The following KAZN variants were observed in gnomAD, a reference collection of about 807,000 sequenced individuals.
The protein encoded by KAZN is kazrin.
In KAZN, 40 loss-of-function variants were observed where a neutral mutation model predicts 87.4. That is an observed-to-expected ratio of 0.46 (90% CI 0.36 to 0.60). KAZN has a LOEUF of 0.60. Among genes scored for constraint, KAZN ranks in the 20% least tolerant of loss-of-function variants. KAZN has a pLI of 0.00. For missense variants in KAZN, 898 were observed against 1,073.9 expected, an observed-to-expected ratio of 0.84 and a Z score of 2.29; for synonymous variants, 466 against 458.3, an observed-to-expected ratio of 1.02 and a Z score of -0.22.
At chr1:14,197,021 G>A (rs962397333) in intron 2 of KAZN, among the ~76,000 whole-genome samples, 1 of 152,056 alleles carries the variant, frequency 6.6e-6, no homozygotes, top group African/African-American at 2.4e-5. Context: ...ATCACTGGAG[G>A]CAGCAATGTG....
chr1:14,070,243 G>A (rs577187318), intron 1 of KAZN, among the ~76,000 whole-genome samples: 214 of 151,258 alleles, frequency 1.4e-3, no homozygotes, highest in African/African-American at 5.1e-3. Context: ...AAAATTAAAG[G>A]GAGGTGAAGG....
At chr1:14,487,805 G>A (rs1476592497) in intron 2 of KAZN, among the ~76,000 whole-genome samples, 1 of 152,196 alleles carries the variant, frequency 6.6e-6, no homozygotes, top group Non-Finnish European at 1.5e-5. Flanking sequence ...TTTGAGGATG[G>A]ATCAGATGCC....
intron 2 of KAZN, among the ~76,000 whole-genome samples, chr1:14,992,990 A>G (rs1370053867): frequency 8.2e-6 from 1 of 122,208 alleles, no homozygotes. Context: ...TTTTTTTACC[A>G]CAATTTTTTT....
chr1:13,945,319 AC>A (rs1249644143), intron 1 of KAZN, among the ~76,000 whole-genome samples: 9 of 152,172 alleles, frequency 5.9e-5, no homozygotes, highest in Admixed American at 4.6e-4. Flanking sequence ...TACTAAAAAT[AC>A]AACATTAGCA....
chr1:14,718,195 A>G (rs1642908341), intron 1 of KAZN, among the ~76,000 whole-genome samples: 1 of 152,166 alleles, frequency 6.6e-6, no homozygotes, highest in African/African-American at 2.4e-5. Flanking sequence ...ACCACTTCAA[A>G]TGGTTGATTC....
At chr1:14,799,025 C>T (rs966828736) in intron 1 of KAZN, among the ~76,000 whole-genome samples, 4 of 152,220 alleles carry the variant, frequency 2.6e-5, no homozygotes, top group African/African-American at 9.7e-5. Flanking sequence ...GATCTGCCTG[C>T]CTCAGCCTCC....
chr1:14,039,185 A>G (rs1305023094), intron 1 of KAZN, among the ~76,000 whole-genome samples: 1 of 152,058 alleles, frequency 6.6e-6, no homozygotes, highest in Non-Finnish European at 1.5e-5. Flanking sequence ...AAAAAAAAAA[A>G]AAAGTAGGAA....
chr1:14,073,135 A>G (rs1323910424), intron 1 of KAZN, among the ~76,000 whole-genome samples: 1 of 152,230 alleles, frequency 6.6e-6, no homozygotes, highest in Non-Finnish European at 1.5e-5. Context: ...GAATGCAACA[A>G]GAACCACATT....
intron 2 of KAZN, among the ~76,000 whole-genome samples, chr1:14,514,607 A>ATTT (rs1671195631): frequency 2.6e-5 from 1 of 38,564 alleles, no homozygotes; most frequent in Non-Finnish European, 4.2e-5. Flanking sequence ...ATATATATAT[A>ATTT]TATATATATA....
At chr1:14,093,308 G>A (rs1644050773) in intron 1 of KAZN, among the ~76,000 whole-genome samples, 2 of 152,044 alleles carry the variant, frequency 1.3e-5, no homozygotes, top group South Asian at 4.2e-4. Flanking sequence ...TTTCCTTTAG[G>A]AGTCCTGGAC....
intron 2 of KAZN, among the ~76,000 whole-genome samples, chr1:14,572,643 T>C (rs1346954978): frequency 6.6e-6 from 1 of 152,186 alleles, no homozygotes; most frequent in African/African-American, 2.4e-5. Flanking sequence ...CTCTGTCGCA[T>C]TGAGCCTATT....
intron 1 of KAZN, among the ~76,000 whole-genome samples, chr1:14,725,957 G>A (rs772589642): frequency 1.2e-4 from 19 of 152,308 alleles, no homozygotes; most frequent in Middle Eastern, 3.4e-3. Context: ...ACTGAATAGC[G>A]TCATGGGTTG....
Position 15,094,400 on chromosome 1 carries a change from GC to G in KAZN, c.1428+20del, listed in dbSNP as rs772661947. ...AGAGCGGGAAGGTAGGCAACTCCGG[GC>G]CCCCTATGGGATGCCACCCATGCCC... On this transcript the variant is annotated intron_variant, in intron 9 of 14. Transcript: ENST00000376030. The surrounding 1 kb of genome is among the most constrained non-coding windows in gnomAD (Gnocchi z 4.5). 1 of 1,602,994 alleles carries G rather than the reference GC, an allele frequency of 6.2e-7. No individual in the cohort carries two copies. The highest frequency in any genetic ancestry group is 1.1e-5 in the South Asian group (1 of 89,548).
intron 1 of KAZN, among the ~76,000 whole-genome samples, chr1:13,979,948 A>AAAAG (rs1463608347): frequency 1.3e-5 from 2 of 150,308 alleles, no homozygotes; most frequent in African/African-American, 2.4e-5. Context: ...AAAAAAAAAA[A>AAAAG]AAAGAATTTA....
intron 2 of KAZN, among the ~76,000 whole-genome samples, chr1:14,592,322 C>A (rs1166187142): frequency 1.3e-5 from 2 of 152,170 alleles, no homozygotes; most frequent in South Asian, 2.1e-4. Flanking sequence ...AGGAAGCTCT[C>A]ACAGCCACTC....
intron 1 of KAZN, among the ~76,000 whole-genome samples, chr1:14,876,139 C>G (rs2101079562): frequency 6.6e-6 from 1 of 152,334 alleles, no homozygotes; most frequent in South Asian, 2.1e-4. Flanking sequence ...CATTAGGGCA[C>G]CTCAGAGGCT....
chr1:14,043,841 T>C (rs1641943388), intron 1 of KAZN, among the ~76,000 whole-genome samples: 1 of 152,162 alleles, frequency 6.6e-6, no homozygotes, highest in Non-Finnish European at 1.5e-5. Context: ...TCTGGGTTGA[T>C]AAAGGGACTA....
chr1:14,515,416 G>A (rs1340510934), intron 2 of KAZN, among the ~76,000 whole-genome samples: 2 of 152,222 alleles, frequency 1.3e-5, no homozygotes, highest in African/African-American at 2.4e-5. Flanking sequence ...TGGGAGCAGG[G>A]CATGTTCATG....
intron 1 of KAZN, among the ~76,000 whole-genome samples, chr1:14,868,779 G>A (rs1207781819): frequency 1.3e-5 from 2 of 151,922 alleles, no homozygotes. Context: ...AGGAACTCAA[G>A]GCTGCAGTGA....
Sources: allele counts gnomAD v4.1 joint callset (sites outside exome capture counted in the v4.1 genomes callset), GRCh38; gene constraint gnomAD v4.1.1; non-coding constraint Gnocchi (gnomAD v3.1); transcripts MANE v1.5; gene names NCBI Gene and HGNC (gene_info 2026-07-23, HGNC 2026-07-21).